The following ZCCHC7 variants were observed in gnomAD, a reference collection of about 807,000 sequenced individuals.
ZCCHC7 encodes zinc finger CCHC-type containing 7, also known as zinc finger CCHC domain-containing protein 7.
In ZCCHC7, 35 loss-of-function variants were observed where a neutral mutation model predicts 52.0. The observed-to-expected ratio is 0.67, with a 90% CI of 0.51 to 0.89. The LOEUF (loss-of-function observed/expected upper bound fraction) is 0.89. Ranked by LOEUF, ZCCHC7 falls within the 40% of genes least tolerant of loss-of-function variation. The pLI, the probability that ZCCHC7 is intolerant of heterozygous loss-of-function variation, is 0.00. For synonymous variants in ZCCHC7, 217 were observed against 221.5 expected (o/e 0.98, Z 0.18); for missense variants, 574 against 649.1 (o/e 0.88, Z 1.26).
At chr9:37,214,893 A>G (rs1356638449) in intron 2 of ZCCHC7, among the ~76,000 whole-genome samples, 1 of 152,094 alleles carries the variant, frequency 6.6e-6, no homozygotes, top group African/African-American at 2.4e-5. Flanking sequence ...TAATATTGCA[A>G]CCTATACAGT....
Position 37,305,613 on chromosome 9 carries a change from G to C in ZCCHC7, c.850G>C (p.Glu284Gln), listed in dbSNP as rs983299301. ...GTATTCCTGTCCAGCCCCCCTTTGC[G>C]AATACTGTCCTGTGCCTAAGATGTT... is the stretch of plus-strand genomic sequence containing the variant. ...LLYSCPAPLC[E>Q]YCPVPKMLDH... is the part of the protein sequence containing the mutation. The change falls in exon 5 of 9, where the codon GAA (glutamate) becomes CAA (glutamine). Residue 284 changes from glutamate to glutamine, a missense_variant. By Grantham distance (29) the Glu-to-Gln change is conservative (BLOSUM62 2). Around this residue, in one of 3 missense-constraint regions of ZCCHC7, gnomAD observed 403 missense variants for 461.2 expected, o/e 0.87. Transcript: ENST00000336755. The C allele has an allele frequency of 6.2e-7, 1 of 1,614,018 alleles. No homozygotes were observed. The highest frequency in any genetic ancestry group is 1.3e-5 in the African/African-American group (1 of 74,988).
chr9:37,266,026 G>A (rs1467598614), intron 2 of ZCCHC7, among the ~76,000 whole-genome samples: 1 of 152,078 alleles, frequency 6.6e-6, no homozygotes, highest in East Asian at 1.9e-4. Context: ...CAAGATCTTA[G>A]CATAATGCCA....
chr9:37,154,080 A>G (rs1820682706), intron 2 of ZCCHC7, among the ~76,000 whole-genome samples: 1 of 151,780 alleles, frequency 6.6e-6, no homozygotes, highest in Non-Finnish European at 1.5e-5. Flanking sequence ...TGTAGAGATG[A>G]GGTCTCACTC....
chr9:37,177,051 A>T (rs1331035150), intron 2 of ZCCHC7, among the ~76,000 whole-genome samples: 1 of 152,204 alleles, frequency 6.6e-6, no homozygotes, highest in Non-Finnish European at 1.5e-5. Context: ...CTTTAAAAGC[A>T]AGGATCTAGG....
intron 5 of ZCCHC7, among the ~76,000 whole-genome samples, chr9:37,308,897 C>CT (rs1829461173): frequency 6.6e-6 from 1 of 150,654 alleles, no homozygotes; most frequent in Admixed American, 6.6e-5. Flanking sequence ...AGGAGAATCG[C>CT]TTGAACCTGG....
At chr9:37,265,979 C>T (rs566000178) in intron 2 of ZCCHC7, among the ~76,000 whole-genome samples, 1 of 152,276 alleles carries the variant, frequency 6.6e-6, no homozygotes, top group African/African-American at 2.4e-5. Flanking sequence ...TTCATCCCCT[C>T]CCCAAATCCC....
intron 2 of ZCCHC7, among the ~76,000 whole-genome samples, chr9:37,253,162 T>C (rs763912672): frequency 6.6e-5 from 10 of 152,056 alleles, no homozygotes; most frequent in Non-Finnish European, 1.5e-4. Flanking sequence ...TTTTGGAAAA[T>C]TGAATTTTTA....
intron 2 of ZCCHC7, among the ~76,000 whole-genome samples, chr9:37,150,323 A>G (rs1375389683): frequency 6.6e-6 from 1 of 152,260 alleles, no homozygotes; most frequent in Non-Finnish European, 1.5e-5. Context: ...GAGGACCAGT[A>G]AACAAAATCA....
chr9:37,266,238 A>G (rs190498795), intron 2 of ZCCHC7, among the ~76,000 whole-genome samples: 3 of 152,378 alleles, frequency 2.0e-5, no homozygotes, highest in African/African-American at 7.2e-5. Context: ...TTACCATATT[A>G]AAGAAGATTC....
In ZCCHC7 at chr9:37,326,970, T is replaced by C. The variant is rs913494300; in HGVS notation, c.952-829T>C. 12 of 152,230 alleles carry C rather than the reference T, an allele frequency of 7.9e-5. No individual in the cohort carries two copies. In the South Asian group the frequency reaches 2.3e-3, roughly 29 times the overall value. 9.4% of individuals were successfully genotyped at this position (152,230 alleles called of 1,614,324 possible). On this transcript the variant is annotated intron_variant, in intron 5 of 8. Transcript: ENST00000336755. ...ACACTTTTTGCTCCTGAGAAGATGGTAAACTGATCAACTATACATAAGCAG... is the reference window on the plus strand; with the variant it reads ...ACACTTTTTGCTCCTGAGAAGATGGCAAACTGATCAACTATACATAAGCAG...
At chr9:37,178,682 A>G (rs1412067228) in intron 2 of ZCCHC7, among the ~76,000 whole-genome samples, 1 of 152,236 alleles carries the variant, frequency 6.6e-6, no homozygotes, top group African/African-American at 2.4e-5. Flanking sequence ...CAGGTGTTGT[A>G]GCAGACGTAT....
At chr9:37,276,457 C>T (rs1483090547) in intron 2 of ZCCHC7, among the ~76,000 whole-genome samples, 1 of 152,160 alleles carries the variant, frequency 6.6e-6, no homozygotes, top group Non-Finnish European at 1.5e-5. Flanking sequence ...CAGCTTCGAG[C>T]TTCAGTTTAC....
Position 37,356,992 on chromosome 9 carries a change from CA to C in ZCCHC7, c.1358del (p.Lys453ArgfsTer98). The C allele has an allele frequency of 6.2e-7, 1 of 1,613,592 alleles. No individual in the cohort carries two copies. The highest frequency in any genetic ancestry group is 2.2e-5 in the East Asian group (1 of 44,842). On this transcript the variant is annotated frameshift_variant, in exon 9 of 9. Coordinates refer to ENST00000336755, the MANE Select transcript of ZCCHC7 (RefSeq NM_032226.3). LOFTEE classifies it low-confidence loss of function (END_TRUNC). ...NKETQKEMKN[K>X]NRNWEKHRKA... ...AAGAAACACAAAAAGAAATGAAGAA[CA>C]AGAATAGAAACTGGGAGAAGCACAG...
intron 2 of ZCCHC7, among the ~76,000 whole-genome samples, chr9:37,182,657 C>T (rs982982455): frequency 7.9e-5 from 12 of 152,166 alleles, no homozygotes; most frequent in East Asian, 3.8e-4. Context: ...TGAGCCACCG[C>T]GCCTGGCCCA....
chr9:37,259,205 T>C (rs1826746037), intron 2 of ZCCHC7, among the ~76,000 whole-genome samples: 1 of 152,218 alleles, frequency 6.6e-6, no homozygotes, highest in South Asian at 2.1e-4. Context: ...TTAAGAGTGC[T>C]AATGTTTAAA....
At chr9:37,187,813 A>G (rs994626907) in intron 2 of ZCCHC7, among the ~76,000 whole-genome samples, 1 of 151,822 alleles carries the variant, frequency 6.6e-6, no homozygotes, top group Non-Finnish European at 1.5e-5. Flanking sequence ...TTTTCGATAC[A>G]GGGTTGGTTG....
chr9:37,278,441 T>C (rs1277397017), intron 2 of ZCCHC7, among the ~76,000 whole-genome samples: 2 of 152,058 alleles, frequency 1.3e-5, no homozygotes, highest in Non-Finnish European at 1.5e-5. Context: ...TCCAAATCAC[T>C]CAATCTGAAA....
At chr9:37,182,987 A>AC (rs964347379) in intron 2 of ZCCHC7, among the ~76,000 whole-genome samples, 1 of 152,110 alleles carries the variant, frequency 6.6e-6, no homozygotes, top group South Asian at 2.1e-4. Flanking sequence ...CCATAGTGAG[A>AC]CCCCCAACTC....
intron 2 of ZCCHC7, among the ~76,000 whole-genome samples, chr9:37,160,743 G>A (rs139540274): frequency 2.6e-4 from 40 of 151,904 alleles, no homozygotes; most frequent in African/African-American, 7.5e-4. Context: ...AAAATTAGCC[G>A]GGTGTAGTAG....
Sources: allele counts gnomAD v4.1 joint callset (sites outside exome capture counted in the v4.1 genomes callset), GRCh38; gene constraint gnomAD v4.1.1; regional missense constraint gnomAD v4.1.1; transcripts MANE v1.5; gene names NCBI Gene and HGNC (gene_info 2026-07-23, HGNC 2026-07-21).